SVEP1: variants seen among roughly 807,000 people sequenced by gnomAD.
SVEP1 encodes the protein sushi, von Willebrand factor type A, EGF and pentraxin domain-containing protein 1.
SVEP1 carries 164 observed loss-of-function variants against 367.3 expected under a neutral mutation model. That is an observed-to-expected ratio of 0.45 (90% CI 0.39 to 0.51). The LOEUF is 0.51. SVEP1 is among the 20% of genes least tolerant of loss of function. The pLI is 0.00. For missense variants in SVEP1, 4,117 were observed against 4,425.3 expected, an observed-to-expected ratio of 0.93 and a Z score of 1.98; for synonymous variants, 1,666 against 1,611.6, an observed-to-expected ratio of 1.03 and a Z score of -0.81.
At chr9:110,426,207 G>A (rs1828250653) in intron 36 of SVEP1, among the ~76,000 whole-genome samples, 1 of 152,136 alleles carries the variant, frequency 6.6e-6, no homozygotes, top group Non-Finnish European at 1.5e-5. Flanking sequence ...AGTTATTTAT[G>A]CAAGTCTTTA....
At position 110,435,270 on chromosome 9, in the gene SVEP1, T is replaced by C. The variant is rs769905739; in HGVS notation, c.4859A>G (p.Lys1620Arg). Reference sequence around the variant, plus strand: ...ACAAAATATGCTCTTAGAATCGATCTTCACTTTCCCCACAATTCCTGACAA... The same window carrying C: ...ACAAAATATGCTCTTAGAATCGATCCTCACTTTCCCCACAATTCCTGACAA... ...DFLSGIVGKV[K>R]IDSKSIFCSD... Residue 1620 changes from lysine (K) to arginine (R), a missense_variant, in exon 29 of 48, where the codon AAG becomes AGG. This residue lies in a region of SVEP1 where 2,174 missense variants were observed against 2,494.3 expected (regional missense o/e 0.87). Transcript: ENST00000374469. The C allele has an allele frequency of 1.2e-6, 2 of 1,613,308 alleles. No individual in the cohort carries two copies. Among genetic ancestry groups the C allele is most frequent in the African/African-American group, 2.7e-5 (2 of 74,878 alleles).
At chr9:110,374,299 T>C (rs1160489854) in intron 46 of SVEP1, among the ~76,000 whole-genome samples, 1 of 152,208 alleles carries the variant, frequency 6.6e-6, no homozygotes, top group Non-Finnish European at 1.5e-5. Flanking sequence ...GCTCCATCCA[T>C]ATTCCACAAA....
At chr9:110,383,499 T>C (rs1249511394) in intron 43 of SVEP1, among the ~76,000 whole-genome samples, 1 of 151,516 alleles carries the variant, frequency 6.6e-6, no homozygotes, top group Non-Finnish European at 1.5e-5. Flanking sequence ...AGGAACACCC[T>C]TGTATAAGGT....
At chr9:110,399,094 C>T (rs541260485) in intron 40 of SVEP1, among the ~76,000 whole-genome samples, 1 of 152,234 alleles carries the variant, frequency 6.6e-6, no homozygotes, top group East Asian at 1.9e-4. Context: ...TGGAACCAAC[C>T]CAAATGTCCA....
In SVEP1 at chr9:110,411,238, C is replaced by T. The variant is rs1248436739; in HGVS notation, c.6473G>A (p.Ser2158Asn). 10 of 1,613,908 alleles carry T rather than the reference C, an allele frequency of 6.2e-6. No homozygotes were observed. The highest frequency in any genetic ancestry group is 8.5e-6 in the Non-Finnish European group (10 of 1,179,888). Residue 2158 changes from serine (S) to asparagine (N), a missense_variant, in exon 37 of 48, where the codon AGT becomes AAT. Transcript: ENST00000374469. The part of the protein sequence containing the change: ...EPPSIMNGYA[S>N]GSNYSFGAMV... ...GGCTCCAAAACTGTAGTTTGATCCA[C>T]TTGCATAGCCATTCATGATGCTTGG... is the stretch of plus-strand genomic sequence containing the variant.
chr9:110,415,075 C>A (rs562809641), intron 36 of SVEP1, among the ~76,000 whole-genome samples: 1 of 151,896 alleles, frequency 6.6e-6, no homozygotes, highest in Non-Finnish European at 1.5e-5. Context: ...AAACCCCCTA[C>A]GTTTGAGGGT....
chr9:110,407,678 A>T lies in SVEP1; in HGVS notation c.7922T>A (p.Met2641Lys). The change falls in exon 38 of 48, where the codon ATG becomes AAG. Residue 2641 changes from methionine (M) to lysine (K), a missense_variant. Transcript: ENST00000374469. Reference sequence around the variant, plus strand: ...GTGAGGAGTCACATATGGAACTTCCATCATGTCGTCTTCTTGCTCAAAATA... The same window carrying T: ...GTGAGGAGTCACATATGGAACTTCCTTCATGTCGTCTTCTTGCTCAAAATA... ...QGYFEQEDDM[M>K]EVPYVTPHPP... 1.2e-6 allele frequency: 2 copies of T among 1,614,050 alleles called. No individual in the cohort carries two copies. Among genetic ancestry groups the T allele is most frequent in the Non-Finnish European group, 1.7e-6 (2 of 1,179,896 alleles).
intron 36 of SVEP1, among the ~76,000 whole-genome samples, chr9:110,414,526 C>T (rs772986274): frequency 3.3e-5 from 5 of 151,984 alleles, no homozygotes; most frequent in Non-Finnish European, 5.9e-5. Flanking sequence ...GAATAATAGC[C>T]TATCAATATC....
At chr9:110,416,789 G>A (rs1184967969) in intron 36 of SVEP1, among the ~76,000 whole-genome samples, 8 of 152,152 alleles carry the variant, frequency 5.3e-5, no homozygotes, top group African/African-American at 1.9e-4. Context: ...ACAGCAACAA[G>A]AATTTGACCA....
intron 8 of SVEP1, among the ~76,000 whole-genome samples, chr9:110,494,755 G>GT (rs1588080353): frequency 1.3e-5 from 2 of 150,240 alleles, no homozygotes; most frequent in Non-Finnish European, 3.0e-5. Context: ...AATATAGTGG[G>GT]GTTTTTTTCC....
intron 8 of SVEP1, among the ~76,000 whole-genome samples, chr9:110,492,672 C>T (rs1829386679): frequency 6.6e-6 from 1 of 151,960 alleles, no homozygotes; most frequent in Non-Finnish European, 1.5e-5. Flanking sequence ...GATATTTCCC[C>T]TGTCTTCTCC....
At position 110,413,307 on chromosome 9, in the gene SVEP1, C is replaced by T. The variant is rs1249435743; in HGVS notation, c.5976-1572G>A. Among the ~76,000 whole-genome samples the T allele has an allele frequency of 1.0e-4, 15 of 148,372 alleles. No homozygotes were observed. In the East Asian group the frequency reaches 1.8e-3, roughly 18 times the overall value. On this transcript the variant is annotated intron_variant, in intron 36 of 47. Transcript: ENST00000374469. The stretch of plus-strand genomic sequence containing the variant: ...ATCACAAGAACAAAAAACCAAACAC[C>T]GCATATTCTCACTTATAGGTGGGAA...
At chr9:110,532,100 A>T (rs1588095457) in intron 3 of SVEP1, among the ~76,000 whole-genome samples, 1 of 152,250 alleles carries the variant, frequency 6.6e-6, no homozygotes, top group Non-Finnish European at 1.5e-5. Flanking sequence ...GTATCTAAAC[A>T]TGCATCTCAC....
intron 27 of SVEP1, among the ~76,000 whole-genome samples, chr9:110,439,142 G>C (rs1828475508): frequency 6.6e-6 from 1 of 152,142 alleles, no homozygotes. Flanking sequence ...GTGATATTTA[G>C]AGATGGAGCC....
In SVEP1 at chr9:110,404,381, A is replaced by T; in HGVS notation, c.9612T>A (p.Ser3204=). The change falls in exon 39 of 48, where the codon TCT becomes TCA. Residue 3204 remains serine (S), a synonymous_variant. Transcript: ENST00000374469. ...AGGTATACCCTTCTGCACATGACAC[A>T]GAAACTTGCCTATTCACACTGAAAT... The part of the protein sequence containing the change: ...GDDFSVNRQV[S]VSCAEGYTFE... 4.3e-6 allele frequency: 7 copies of T among 1,614,040 alleles called. No homozygotes were observed. Among genetic ancestry groups the T allele is most frequent in the Non-Finnish European group, 5.9e-6 (7 of 1,179,902 alleles).
chr9:110,389,922 A>G (rs1049139445), intron 40 of SVEP1, among the ~76,000 whole-genome samples: 3 of 151,452 alleles, frequency 2.0e-5, no homozygotes, highest in African/African-American at 7.3e-5. Context: ...GAAATATATG[A>G]ATCATAGTGT....
At chr9:110,444,709 A>G (rs1163422108) in intron 26 of SVEP1, among the ~76,000 whole-genome samples, 1 of 152,208 alleles carries the variant, frequency 6.6e-6, no homozygotes, top group East Asian at 1.9e-4. Flanking sequence ...TTCATTGACC[A>G]CTTCTCCCAG....
chr9:110,506,726 C>T (rs1375409392), intron 5 of SVEP1, among the ~76,000 whole-genome samples: 3 of 151,956 alleles, frequency 2.0e-5, no homozygotes, highest in Non-Finnish European at 4.4e-5. Flanking sequence ...AGACTCTCTC[C>T]AATCAGGGTT....
intron 9 of SVEP1, among the ~76,000 whole-genome samples, chr9:110,487,553 G>A (rs1430250531): frequency 6.6e-6 from 1 of 152,178 alleles, no homozygotes; most frequent in Non-Finnish European, 1.5e-5. Flanking sequence ...AACCTGTAAT[G>A]TATAGGGTAA....
Sources: allele counts gnomAD v4.1 joint callset (sites outside exome capture counted in the v4.1 genomes callset), GRCh38; gene constraint gnomAD v4.1.1; regional missense constraint gnomAD v4.1.1; transcripts MANE v1.5; gene names NCBI Gene and HGNC (gene_info 2026-07-23, HGNC 2026-07-21).